The following NUP210L variants were observed in gnomAD, a reference collection of about 807,000 sequenced individuals.
NUP210L encodes the protein nucleoporin 210 like, also known as nuclear pore membrane glycoprotein 210-like.
In NUP210L, 74 loss-of-function variants were observed where a neutral mutation model predicts 208.5. The observed-to-expected ratio is 0.35, with a 90% CI of 0.29 to 0.43. The LOEUF (loss-of-function observed/expected upper bound fraction) is 0.43. Among genes scored for constraint, NUP210L ranks in the 20% least tolerant of loss-of-function variants. The pLI is 1.00. For synonymous variants in NUP210L, 780 were observed against 816.9 expected, an observed-to-expected ratio of 0.95 and a Z score of 0.77; for missense variants, 1,843 against 2,289.4, an observed-to-expected ratio of 0.81 and a Z score of 3.98.
intron 35 of NUP210L, among the ~76,000 whole-genome samples, chr1:154,005,103 G>A (rs569628354): frequency 7.3e-5 from 11 of 150,730 alleles, no homozygotes; most frequent in Non-Finnish European, 1.0e-4. Context: ...CACCCTCCTC[G>A]GCCTCCCAAA....
chr1:154,074,240 A>G (rs1654923984), intron 16 of NUP210L, among the ~76,000 whole-genome samples: 1 of 152,126 alleles, frequency 6.6e-6, no homozygotes, highest in African/African-American at 2.4e-5. Flanking sequence ...TTCACTTACT[A>G]GTCTTAATAT....
intron 13 of NUP210L, among the ~76,000 whole-genome samples, chr1:154,103,713 ACT>A (rs903496626): frequency 1.1e-4 from 16 of 151,630 alleles, no homozygotes; most frequent in Non-Finnish European, 1.6e-4. Flanking sequence ...AAAGCGAGAC[ACT>A]GTCTCAAAAA....
intron 22 of NUP210L, 103 bp from the exon 23 acceptor site, chr1:154,057,050 C>T: frequency 1.8e-6 from 2 of 1,121,534 alleles, no homozygotes; most frequent in Non-Finnish European, 2.6e-6. Context: ...ATGATCTCAG[C>T]TCATTGCAGC....
intron 10 of NUP210L, among the ~76,000 whole-genome samples, chr1:154,119,201 G>A (rs936698180): frequency 2.6e-5 from 4 of 152,060 alleles, no homozygotes; most frequent in Admixed American, 2.0e-4. Context: ...AAGAAAATGA[G>A]AACATTTAAA....
chr1:154,029,644 T>A lies in NUP210L; in HGVS notation c.3855+252A>T, dbSNP rs543976638. Among the ~76,000 whole-genome samples the A allele has an allele frequency of 1.1e-4, 17 of 151,980 alleles. No individual in the cohort carries two copies. In the South Asian group the frequency reaches 3.5e-3, roughly 32 times the overall value. ...GATGGAGGTTGTGGTGAGCCGAGAT[T>A]GTGCCATTGCACTCCAGCCTTGGCA... is the stretch of plus-strand genomic sequence containing the variant. On this transcript the variant is annotated intron_variant, in intron 28 of 39. Transcript: ENST00000368559.
intron 30 of NUP210L, among the ~76,000 whole-genome samples, chr1:154,025,020 C>T (rs12022649): frequency 3.3e-5 from 5 of 150,140 alleles, no homozygotes; most frequent in African/African-American, 4.9e-5. Context: ...CTCCGCCCCC[C>T]GGGGTTCACG....
In NUP210L at chr1:154,012,340, G is replaced by GGT; in HGVS notation, c.4683_4684insAC (p.Leu1562ThrfsTer65). 1 of 1,613,474 alleles carries GGT rather than the reference G, an allele frequency of 6.2e-7. No homozygotes were observed. Among genetic ancestry groups the GGT allele is most frequent in the Non-Finnish European group, 8.5e-7 (1 of 1,179,752 alleles). On this transcript the variant is annotated frameshift_variant, in exon 34 of 40. Coordinates refer to ENST00000368559, the Ensembl canonical transcript of NUP210L. LOFTEE classifies it high-confidence loss of function. The stretch of plus-strand genomic sequence containing the variant: ...AGATAAGTCTTGAGGTCATAACTGA[G>GGT]CATTAATCTTGATGATGCATTGACC...
At chr1:154,033,933 TA>T (rs1652392211) in intron 27 of NUP210L, among the ~76,000 whole-genome samples, 1 of 152,126 alleles carries the variant, frequency 6.6e-6, no homozygotes, top group Non-Finnish European at 1.5e-5. Context: ...TTTATTTATT[TA>T]TTTTTTTGAG....
rs1010995842 is a variant in NUP210L at position 154,050,515 on chromosome 1, T to C, written c.3483+3713A>G. Among the ~76,000 whole-genome samples the C allele has an allele frequency of 1.3e-4, 18 of 143,566 alleles. No individual in the cohort carries two copies. In the East Asian group the frequency reaches 2.3e-3, roughly 18 times the overall value. The allele number at this position is 143,566 out of a possible 152,430, so 94.2% of individuals were successfully genotyped here. ...AGCAGGACTTAGTAGAATGTTTTTTTCTTCCACATACTAATTCACAGACTC... is the reference window on the plus strand; with the variant it reads ...AGCAGGACTTAGTAGAATGTTTTTTCCTTCCACATACTAATTCACAGACTC... On this transcript the variant is annotated intron_variant, in intron 25 of 39. Transcript: ENST00000368559.
At chr1:153,993,253 T>G (rs1403196657) in intron 38 of NUP210L, among the ~76,000 whole-genome samples, 164 bp from the exon 39 acceptor site, 1 of 152,166 alleles carries the variant, frequency 6.6e-6, no homozygotes, top group Non-Finnish European at 1.5e-5. Context: ...ATTTTAGAGT[T>G]ACTTTCAGCT....
intron 16 of NUP210L, among the ~76,000 whole-genome samples, chr1:154,087,897 G>C (rs866131791): frequency 6.6e-6 from 1 of 152,284 alleles, no homozygotes; most frequent in South Asian, 2.1e-4. Context: ...CATAGAGACA[G>C]AAAGTCTATC....
Position 154,017,900 on chromosome 1 carries a change from A to C in NUP210L, c.4653+1033T>G, listed in dbSNP as rs773141180. ...TTGTTTCTTTCTTTTTCCATTTGCC[A>C]CTAATCAAAAGGCAATCAGAACTCT... On this transcript the variant is annotated intron_variant, in intron 33 of 39. Transcript: ENST00000368559. Among the ~76,000 whole-genome samples, 10 of 151,886 alleles carry C rather than the reference A, an allele frequency of 6.6e-5. No homozygotes were observed. In the East Asian group the frequency reaches 7.7e-4, roughly 12 times the overall value.
exon 32 of NUP210L, chr1:154,022,298 G>A (rs1342395361): frequency 2.5e-6 from 4 of 1,614,128 alleles, no homozygotes; most frequent in East Asian, 2.2e-5. Context: ...CCTGGGCCAT[G>A]TAAGTATAGT....
intron 14 of NUP210L, 118 bp downstream of exon 14, chr1:154,099,878 TAA>T (rs1656374530): frequency 1.9e-6 from 2 of 1,034,294 alleles, no homozygotes; most frequent in Admixed American, 2.1e-5. Context: ...AAGTGGCAAG[TAA>T]AGAGAACATA....
At chr1:154,033,412 T>C (rs1652363657) in intron 27 of NUP210L, among the ~76,000 whole-genome samples, 1 of 152,212 alleles carries the variant, frequency 6.6e-6, no homozygotes, top group Admixed American at 6.5e-5. Context: ...TACATTTTGA[T>C]TTGATTTTTG....
intron 27 of NUP210L, among the ~76,000 whole-genome samples, chr1:154,044,556 A>G (rs1373198031): frequency 6.7e-6 from 1 of 149,890 alleles, no homozygotes; most frequent in Non-Finnish European, 1.5e-5. Flanking sequence ...GAGTTTCCTT[A>G]AATTATAGGT....
At chr1:154,052,031 A>T (rs1227392871) in intron 25 of NUP210L, among the ~76,000 whole-genome samples, 1 of 152,268 alleles carries the variant, frequency 6.6e-6, no homozygotes, top group Non-Finnish European at 1.5e-5. Flanking sequence ...AGAAACAGGG[A>T]CTACGGGACC....
At chr1:154,004,271 A>C (rs979535643) in intron 35 of NUP210L, among the ~76,000 whole-genome samples, 4 of 151,552 alleles carry the variant, frequency 2.6e-5, no homozygotes, top group Non-Finnish European at 5.9e-5. Context: ...GGGTTTCACC[A>C]TGTTAGCCAA....
At chr1:154,030,724 G>A (rs760644433) in intron 27 of NUP210L, among the ~76,000 whole-genome samples, 2 of 151,202 alleles carry the variant, frequency 1.3e-5, no homozygotes, top group Non-Finnish European at 2.9e-5. Flanking sequence ...CACACTTTAA[G>A]TTGAAACCTT....
Sources: gnomAD v4.1 joint callset for allele counts (sites outside exome capture counted in the v4.1 genomes callset) on GRCh38, gnomAD v4.1.1 for gene constraint, MANE v1.5 for transcripts, NCBI Gene and HGNC (gene_info 2026-07-23, HGNC 2026-07-21) for gene names.